BCL7B: variants seen among roughly 807,000 people sequenced by gnomAD.
BCL7B encodes the protein B-cell CLL/lymphoma 7 protein family member B.
BCL7B carries 11 observed loss-of-function variants against 26.5 expected under a neutral mutation model. The observed-to-expected ratio is 0.42, with a 90% CI of 0.26 to 0.69. The LOEUF is 0.69. Among genes scored for constraint, BCL7B ranks in the 30% least tolerant of loss-of-function variants. BCL7B has a pLI of 0.28. For missense variants in BCL7B, 215 were observed against 264.4 expected, an observed-to-expected ratio of 0.81 and a Z score of 1.30; for synonymous variants, 111 against 107.9, an observed-to-expected ratio of 1.03 and a Z score of -0.18.
At chr7:73,538,851 A>G (rs1427325106) in intron 4 of BCL7B, among the ~76,000 whole-genome samples, 1 of 151,882 alleles carries the variant, frequency 6.6e-6, no homozygotes, top group Admixed American at 6.6e-5. Context: ...AAAGAAAAAA[A>G]TTTAGCATGT....
intron 1 of BCL7B, 31 bp downstream of exon 1, chr7:73,557,456 C>A (rs782325225): frequency 7.5e-7 from 1 of 1,327,590 alleles, no homozygotes; most frequent in East Asian, 3.1e-5. Flanking sequence ...ATCCGCGACC[C>A]CCGCCAGCCC....
At chr7:73,537,901 CAA>C in intron 5 of BCL7B, 31 bp downstream of exon 5, 1 of 1,532,560 alleles carries the variant, frequency 6.5e-7, no homozygotes, top group Admixed American at 2.0e-5. Flanking sequence ...ACCAAAAAAA[CAA>C]AAAACTGGAA....
intron 4 of BCL7B, among the ~76,000 whole-genome samples, chr7:73,538,859 T>C (rs1261438749): frequency 6.7e-6 from 1 of 148,604 alleles, no homozygotes; most frequent in African/African-American, 2.5e-5. Flanking sequence ...AAATTTAGCA[T>C]GTAATGCAGA....
intron 2 of BCL7B, among the ~76,000 whole-genome samples, chr7:73,548,518 G>A (rs1390574250): frequency 6.6e-6 from 1 of 152,172 alleles, no homozygotes; most frequent in African/African-American, 2.4e-5. Flanking sequence ...TCAGGAGGCT[G>A]AGGTGGGAGG....
Position 73,542,085 on chromosome 7 carries a change from C to T in BCL7B, c.265+1463G>A, listed in dbSNP as rs142030730. Among the ~76,000 whole-genome samples the T allele has an allele frequency of 5.4e-4, 82 of 152,360 alleles. No homozygotes were observed. In the East Asian group the frequency reaches 0.012, roughly 21 times the overall value. On this transcript the variant is annotated intron_variant, in intron 3 of 5. Transcript: ENST00000223368. The stretch of plus-strand genomic sequence containing the variant: ...TTACTCTCCTGTGATAGCCTGTGCA[C>T]GCCTGCATTTATCATTTCGCACACG...
chr7:73,556,639 A>T (rs1185258700), intron 1 of BCL7B, among the ~76,000 whole-genome samples: 1 of 152,134 alleles, frequency 6.6e-6, no homozygotes, highest in Non-Finnish European at 1.5e-5. Flanking sequence ...TGAACATTTT[A>T]GACACGGGGT....
chr7:73,546,111 G>A (rs1791944683), intron 2 of BCL7B, among the ~76,000 whole-genome samples: 1 of 142,508 alleles, frequency 7.0e-6, no homozygotes. Context: ...GAGCCTGGGT[G>A]ACAGAGCGAG....
At chr7:73,552,028 G>T (rs1469117713) in intron 2 of BCL7B, 139 bp downstream of exon 2, 10 of 624,182 alleles carry the variant, frequency 1.6e-5, no homozygotes, top group Non-Finnish European at 1.7e-5. Context: ...AGGAGGTGGA[G>T]GTTGCAGTGA....
chr7:73,555,009 C>G (rs1360794035), intron 1 of BCL7B, among the ~76,000 whole-genome samples: 1 of 152,104 alleles, frequency 6.6e-6, no homozygotes, highest in Non-Finnish European at 1.5e-5. Flanking sequence ...CCTCACAGAC[C>G]CTGTCTTATA....
At chr7:73,548,696 C>T (rs961383485) in intron 2 of BCL7B, among the ~76,000 whole-genome samples, 3 of 139,456 alleles carry the variant, frequency 2.2e-5, no homozygotes, top group Non-Finnish European at 3.4e-5. Flanking sequence ...TTTGGCAAGC[C>T]GAGGCGGGCG....
chr7:73,541,027 A>G (rs1456185074), intron 3 of BCL7B, among the ~76,000 whole-genome samples: 3 of 151,558 alleles, frequency 2.0e-5, no homozygotes, highest in Admixed American at 6.6e-5. Context: ...CGCGCCTGTA[A>G]TCCCAGTTAC....
At chr7:73,550,663 GT>G (rs1792130337) in intron 2 of BCL7B, among the ~76,000 whole-genome samples, 1 of 148,878 alleles carries the variant, frequency 6.7e-6, no homozygotes, top group African/African-American at 2.5e-5. Context: ...TTGTTTGTTT[GT>G]TTGGTTTTTT....
intron 1 of BCL7B, among the ~76,000 whole-genome samples, chr7:73,555,839 G>A (rs1165582811): frequency 1.3e-5 from 2 of 152,022 alleles, no homozygotes; most frequent in African/African-American, 4.8e-5. Context: ...CTCAACTCCT[G>A]GGCTCCAGCG....
intron 2 of BCL7B, among the ~76,000 whole-genome samples, chr7:73,548,102 A>G (rs1792020662): frequency 6.6e-6 from 1 of 151,624 alleles, no homozygotes; most frequent in South Asian, 2.1e-4. Flanking sequence ...TCAGAGTGAC[A>G]CCCTGTCTCA....
chr7:73,538,028 G>C lies in BCL7B; in HGVS notation c.437-15C>G. ...CAGGGAGGGCTCTGAAAAGGCAGTA[G>C]GGTCGGCCTGAGGGCAGGGCTCCCC... On this transcript the variant is annotated splice_polypyrimidine_tract_variant and intron_variant, in intron 4 of 5. Transcript: ENST00000223368. The C allele has an allele frequency of 6.3e-7, 1 of 1,577,362 alleles. No individual in the cohort carries two copies.
intron 3 of BCL7B, among the ~76,000 whole-genome samples, chr7:73,542,050 C>T (rs782634800): frequency 6.6e-6 from 1 of 152,184 alleles, no homozygotes; most frequent in Non-Finnish European, 1.5e-5. Flanking sequence ...GTGGAAATGC[C>T]CACCCTCTCT....
intron 2 of BCL7B, among the ~76,000 whole-genome samples, chr7:73,547,906 T>C (rs1465800546): frequency 2.6e-5 from 4 of 151,964 alleles, no homozygotes; most frequent in Non-Finnish European, 4.4e-5. Context: ...TCACTTGAGG[T>C]CAGGAGTTCA....
chr7:73,556,846 G>C (rs1554584764), intron 1 of BCL7B, among the ~76,000 whole-genome samples: 1 of 152,234 alleles, frequency 6.6e-6, no homozygotes, highest in East Asian at 1.9e-4. Context: ...GAATGAACAA[G>C]AGCAGAAGCA....
intron 5 of BCL7B, 54 bp downstream of exon 5, chr7:73,537,880 C>G: frequency 7.4e-7 from 1 of 1,359,548 alleles, no homozygotes; most frequent in South Asian, 1.4e-5. Context: ...AACAGCGAGA[C>G]CCTGCCTTAA....
Sources: gnomAD v4.1 joint callset for allele counts (sites outside exome capture counted in the v4.1 genomes callset) on GRCh38, gnomAD v4.1.1 for gene constraint, MANE v1.5 for transcripts, NCBI Gene and HGNC (gene_info 2026-07-23, HGNC 2026-07-21) for gene names.